SMARCA4: variants seen among roughly 807,000 people sequenced by gnomAD.
SMARCA4 encodes SWI/SNF-related matrix-associated actin-dependent regulator of chromatin subfamily A member 4.
Under a neutral mutation model 193.9 loss-of-function variants are expected in SMARCA4, and 31 were observed. The ratio of observed to expected loss-of-function variants is 0.16; its 90% confidence interval spans 0.12 to 0.22. The LOEUF is 0.22. Ranked by LOEUF, SMARCA4 falls within the 10% of genes least tolerant of loss-of-function variation. The pLI, the probability that SMARCA4 is intolerant of heterozygous loss-of-function variation, is 1.00. For synonymous variants in SMARCA4, 942 were observed against 933.1 expected, an observed-to-expected ratio of 1.01 and a Z score of -0.17; for missense variants, 1,148 against 2,296.0, an observed-to-expected ratio of 0.50 and a Z score of 10.22.
intron 12 of SMARCA4, 41 bp from the exon 13 acceptor site, chr19:11,003,299 C>T (rs768492733): frequency 3.1e-6 from 5 of 1,603,760 alleles, no homozygotes. Context: ...ATTCTGCTGG[C>T]TCTGAGCAGA....
intron 1 of SMARCA4, among the ~76,000 whole-genome samples, chr19:10,973,308 A>G (rs1240942044): frequency 6.6e-6 from 1 of 152,102 alleles, no homozygotes; most frequent in Non-Finnish European, 1.5e-5. Context: ...TGCAGTGTAG[A>G]CACCACACGT....
intron 14 of SMARCA4, among the ~76,000 whole-genome samples, chr19:11,010,171 G>A (rs1025494462): frequency 6.6e-6 from 1 of 152,150 alleles, no homozygotes; most frequent in African/African-American, 2.4e-5. Flanking sequence ...AGGACCCAGA[G>A]CTCCCAGGAG....
At position 11,012,925 on chromosome 19, in the gene SMARCA4, G is replaced by T. The variant is rs764690471; in HGVS notation, c.2275-24G>T. Reference sequence around the variant, plus strand: ...GTGTCCGACCCGGCCTTCAGTCCTGGCGTGGCCGCATCTGTCCTTGCAGAT... The same window carrying T: ...GTGTCCGACCCGGCCTTCAGTCCTGTCGTGGCCGCATCTGTCCTTGCAGAT... On this transcript the variant is annotated intron_variant, in intron 15 of 34. Coordinates refer to ENST00000344626, the MANE Select transcript of SMARCA4 (RefSeq NM_003072.5). 3 of 1,613,884 alleles carry T rather than the reference G, an allele frequency of 1.9e-6. No individual in the cohort carries two copies. The East Asian group carries it at 6.7e-5, about 36-fold the overall frequency.
chr19:11,055,876 G>A (rs200308840), intron 30 of SMARCA4, among the ~76,000 whole-genome samples: 26 of 152,188 alleles, frequency 1.7e-4, no homozygotes, highest in Middle Eastern at 3.2e-3. Context: ...TTACAGGCAC[G>A]AGCCACCATA....
intron 11 of SMARCA4, among the ~76,000 whole-genome samples, chr19:10,997,324 G>C (rs201615352): frequency 2.6e-5 from 4 of 151,350 alleles, no homozygotes; most frequent in Non-Finnish European, 5.9e-5. Flanking sequence ...TCAGCCTCCC[G>C]AGTAGCTGGG....
intron 9 of SMARCA4, 59 bp downstream of exon 9, chr19:10,995,060 C>T (rs1038816143): frequency 9.5e-6 from 14 of 1,468,782 alleles, no homozygotes; most frequent in Non-Finnish European, 1.3e-5. Flanking sequence ...ACTGCGGGCT[C>T]CAGGGGTCAC....
At chr19:11,047,930 C>A (rs1394788843) in intron 30 of SMARCA4, 2 of 152,210 alleles carry the variant, frequency 1.3e-5, no homozygotes, top group Non-Finnish European at 2.9e-5. Context: ...AAAAGCCAGA[C>A]CTCATTTGGG....
At chr19:11,015,783 GATC>G (rs933844859) in intron 16 of SMARCA4, among the ~76,000 whole-genome samples, 3 of 152,068 alleles carry the variant, frequency 2.0e-5, no homozygotes, top group African/African-American at 7.2e-5. Context: ...GAGGCAGGCG[GATC>G]ACCTGAGGTC....
intron 20 of SMARCA4, 99 bp downstream of exon 20, chr19:11,023,730 C>T: frequency 1.3e-6 from 1 of 759,146 alleles, no homozygotes; most frequent in Non-Finnish European, 2.3e-6. Context: ...AGTCCCAGGC[C>T]TGCCCTGGTC....
At chr19:11,027,681 G>A (rs956432377) in intron 23 of SMARCA4, 103 bp from the exon 24 acceptor site, 36 of 1,278,382 alleles carry the variant, frequency 2.8e-5, no homozygotes, top group Middle Eastern at 4.8e-4. Context: ...CCTTGAACCC[G>A]GCGCCTGGCC....
intron 7 of SMARCA4, among the ~76,000 whole-genome samples, chr19:10,989,995 G>T (rs781525549): frequency 4.0e-5 from 6 of 151,302 alleles, no homozygotes; most frequent in Non-Finnish European, 7.4e-5. Context: ...ACCACGTGCT[G>T]TCCTGCATGG....
chr19:10,983,804 AG>A (rs1329707619), intron 1 of SMARCA4: 1 of 431,942 alleles, frequency 2.3e-6, no homozygotes, highest in East Asian at 4.4e-5. Context: ...AGCAGTGTGA[AG>A]GGTAGACCAG....
Position 11,019,545 on chromosome 19 carries a change from C to A in SMARCA4, c.2506-46C>A. On this transcript the variant is annotated intron_variant, in intron 17 of 34. Transcript: ENST00000344626. The surrounding 1 kb of genome is among the most constrained non-coding windows in gnomAD (Gnocchi z 6.1). Reference sequence around the variant, plus strand: ...TGCCTGTGCCCCTCTTGCCACCTGGCCACCCGGCTCCAAAAGCCGAGCTGT... The same window carrying A: ...TGCCTGTGCCCCTCTTGCCACCTGGACACCCGGCTCCAAAAGCCGAGCTGT... 2 of 1,343,080 alleles carry A rather than the reference C, an allele frequency of 1.5e-6. No individual in the cohort carries two copies. The highest frequency in any genetic ancestry group is 2.1e-6 in the Non-Finnish European group (2 of 950,812). The allele number at this position is 1,343,080 out of a possible 1,614,324, so 83.2% of individuals were successfully genotyped here.
chr19:11,031,272 A>C lies in SMARCA4; in HGVS notation c.3546+379A>C. 1 of 321,988 alleles carries C rather than the reference A, an allele frequency of 3.1e-6. No homozygotes were observed. The highest frequency in any genetic ancestry group is 6.0e-6 in the Non-Finnish European group (1 of 165,406). 19.9% of individuals were successfully genotyped at this position (321,988 alleles called of 1,614,324 possible). A position where few individuals can be genotyped will look rare whatever the true frequency, so the allele number is the denominator to read the frequency against. The stretch of plus-strand genomic sequence containing the variant: ...ACACACTGGCGCTTGTTCAGACACA[A>C]TTGGGGGTAAACTCCATGCCACTTC... On this transcript the variant is annotated intron_variant, in intron 25 of 34. Coordinates refer to ENST00000344626, the MANE Select transcript of SMARCA4 (RefSeq NM_003072.5). This position sits in a 1 kb window ranked among gnomAD's most constrained non-coding sequence, Gnocchi z 4.3.
Position 11,022,859 on chromosome 19 carries a change from G to A in SMARCA4, c.2860-659G>A, listed in dbSNP as rs973560535. Among the ~76,000 whole-genome samples, 4 of 152,242 alleles carry A rather than the reference G, an allele frequency of 2.6e-5. No homozygotes were observed. The South Asian group carries it at 8.3e-4, about 31-fold the overall frequency. On this transcript the variant is annotated intron_variant, in intron 19 of 34. Coordinates refer to ENST00000344626, the MANE Select transcript of SMARCA4 (RefSeq NM_003072.5). ...CCGGGACCCCCACACTAAGGGCCAG[G>A]ATCTGATGCTATAGTTTTGTCACTT...
At chr19:10,971,893 A>G (rs545832816) in intron 1 of SMARCA4, among the ~76,000 whole-genome samples, 15 of 147,472 alleles carry the variant, frequency 1.0e-4, no homozygotes, top group Non-Finnish European at 1.6e-4. Flanking sequence ...AGCGATTTCA[A>G]TTTTCCTGCC....
Position 10,994,925 on chromosome 19 carries a change from C to T in SMARCA4, c.1517C>T (p.Thr506Met), listed in dbSNP as rs1286498410. 4 of 1,614,082 alleles carry T rather than the reference C, an allele frequency of 2.5e-6. No individual in the cohort carries two copies. The highest frequency in any genetic ancestry group is 1.1e-5 in the South Asian group (1 of 91,074). ...KIQKLTKAVA[T>M]YHANTEREQK... ...CAGAAGCTGACCAAGGCAGTGGCCACGTACCATGCCAACACGGAGCGGGAG... is the reference window on the plus strand; with the variant it reads ...CAGAAGCTGACCAAGGCAGTGGCCATGTACCATGCCAACACGGAGCGGGAG... The change falls in exon 9 of 35, where the codon ACG (threonine) becomes ATG (methionine). Residue 506 changes from threonine (T) to methionine (M), a missense_variant. Physicochemically the swap from Thr to Met is moderately conservative, Grantham distance 81. Coordinates refer to ENST00000344626, the MANE Select transcript of SMARCA4 (RefSeq NM_003072.5).
rs1415958916 is a variant in SMARCA4, at chr19:11,010,370, C to G, written c.2124-11C>G. On this transcript the variant is annotated splice_polypyrimidine_tract_variant and intron_variant, in intron 14 of 34. Transcript: ENST00000344626. ...GTGTGTCCTTACCCGGCACCTCCAT[C>G]TCACTCCCAGGAATGCCAAGCAAGA... The G allele has an allele frequency of 8.7e-6, 14 of 1,613,926 alleles. No individual in the cohort carries two copies. The highest frequency in any genetic ancestry group is 1.6e-4 in the Middle Eastern group (1 of 6,062).
Position 11,023,640 on chromosome 19 carries a change from G to A in SMARCA4, c.2973+9G>A. 2 of 1,560,492 alleles carry A rather than the reference G, an allele frequency of 1.3e-6. No homozygotes were observed. The highest frequency in any genetic ancestry group is 1.8e-6 in the Non-Finnish European group (2 of 1,136,652). On this transcript the variant is annotated intron_variant, in intron 20 of 34. Coordinates refer to ENST00000344626, the MANE Select transcript of SMARCA4 (RefSeq NM_003072.5). ...CCCAGTTGCCCGAAAAGGTGATGGA[G>A]TTTTGAGGGGAGCCACCAGTGAAGC...
Sources: gnomAD v4.1 joint callset for allele counts (sites outside exome capture counted in the v4.1 genomes callset) on GRCh38, gnomAD v4.1.1 for gene constraint, Gnocchi (gnomAD v3.1) non-coding constraint, MANE v1.5 for transcripts, NCBI Gene and HGNC (gene_info 2026-07-23, HGNC 2026-07-21) for gene names.